Variants in PLD1 observed in about 807,000 individuals in gnomAD.
PLD1 encodes the protein phospholipase D1.
PLD1 carries 112 observed loss-of-function variants against 137.1 expected under a neutral mutation model. The observed-to-expected ratio is 0.82, with a 90% CI of 0.70 to 0.96. The LOEUF (loss-of-function observed/expected upper bound fraction) is 0.96, where lower values mean the gene tolerates loss of function less well. Among genes scored for constraint, PLD1 ranks in the 40% least tolerant of loss-of-function variants. The pLI is 0.00. For synonymous variants in PLD1, 431 were observed against 454.7 expected, an observed-to-expected ratio of 0.95 and a Z score of 0.66; for missense variants, 1,321 against 1,342.0, an observed-to-expected ratio of 0.98 and a Z score of 0.24.
intron 21 of PLD1, among the ~76,000 whole-genome samples, chr3:171,649,394 G>A (rs1736536105): frequency 6.6e-6 from 1 of 152,138 alleles, no homozygotes; most frequent in Non-Finnish European, 1.5e-5. Flanking sequence ...AAGGGCTCTG[G>A]AATTTCAAAC....
intron 1 of PLD1, among the ~76,000 whole-genome samples, chr3:171,767,546 TC>T (rs1722063065): frequency 6.6e-6 from 1 of 152,242 alleles, no homozygotes; most frequent in South Asian, 2.1e-4. Flanking sequence ...TGTATTTTTT[TC>T]TTATATTTTT....
chr3:171,770,471 C>T (rs1298570786), intron 1 of PLD1, among the ~76,000 whole-genome samples: 1 of 152,150 alleles, frequency 6.6e-6, no homozygotes, highest in Non-Finnish European at 1.5e-5. Flanking sequence ...GGGAGGACAA[C>T]CCCAACTGGG....
At chr3:171,651,862 C>T (rs1242740535) in intron 21 of PLD1, among the ~76,000 whole-genome samples, 1 of 152,130 alleles carries the variant, frequency 6.6e-6, no homozygotes, top group African/African-American at 2.4e-5. Flanking sequence ...CTCTCTTTTC[C>T]AGGGCACATG....
intron 19 of PLD1, among the ~76,000 whole-genome samples, chr3:171,668,533 CTTT>C (rs1013157598): frequency 2.0e-5 from 3 of 151,184 alleles, no homozygotes; most frequent in Non-Finnish European, 4.4e-5. Context: ...TGAAAATTTT[CTTT>C]TTTTTTCCTT....
chr3:171,666,823 A>C (rs1375412080), intron 19 of PLD1, among the ~76,000 whole-genome samples: 1 of 152,220 alleles, frequency 6.6e-6, no homozygotes, highest in Non-Finnish European at 1.5e-5. Context: ...AAAAAATGGC[A>C]TATTTCTGAT....
chr3:171,727,034 A>G (rs1718571466), intron 6 of PLD1, among the ~76,000 whole-genome samples: 1 of 152,262 alleles, frequency 6.6e-6, no homozygotes, highest in African/African-American at 2.4e-5. Flanking sequence ...CTGTGTTCCA[A>G]TAAAACCTTA....
At chr3:171,711,054 G>A (rs1320130928) in intron 9 of PLD1, among the ~76,000 whole-genome samples, 3 of 150,192 alleles carry the variant, frequency 2.0e-5, no homozygotes, top group African/African-American at 4.9e-5. Context: ...TGTATTTTTA[G>A]TAGAGACGGG....
intron 21 of PLD1, among the ~76,000 whole-genome samples, chr3:171,658,112 C>T (rs1253765355): frequency 6.6e-6 from 1 of 151,822 alleles, no homozygotes; most frequent in African/African-American, 2.4e-5. Flanking sequence ...AATGAAATAC[C>T]ATTTCTTAAA....
At position 171,606,903 on chromosome 3, in the gene PLD1, T is replaced by C. The variant is rs184660236; in HGVS notation, c.2883-1487A>G. ...GAAGAAATTTTAGAATTAGAATTCC[T>C]GGGTCAGAGAATATTCAAATTACTG... On this transcript the variant is annotated intron_variant, in intron 25 of 26. Coordinates refer to ENST00000351298, the MANE Select transcript of PLD1 (RefSeq NM_002662.5). Among the ~76,000 whole-genome samples, 266 of 152,328 alleles carry C rather than the reference T, an allele frequency of 1.7e-3. 6 individuals carry two copies. Among genetic ancestry groups the C allele is most frequent in the Admixed American group, 0.015 (234 of 15,294 alleles).
chr3:171,747,057 T>C (rs566962680), intron 1 of PLD1, among the ~76,000 whole-genome samples: 2 of 152,186 alleles, frequency 1.3e-5, no homozygotes, highest in South Asian at 4.2e-4. Context: ...GACGCGCCAC[T>C]TTAAGAGCTG....
chr3:171,614,025 G>A (rs536675880), intron 24 of PLD1, among the ~76,000 whole-genome samples: 1 of 152,320 alleles, frequency 6.6e-6, no homozygotes, highest in South Asian at 2.1e-4. Flanking sequence ...TAAGGTGACA[G>A]CAGCCCTACC....
At position 171,686,072 on chromosome 3, in the gene PLD1, C is replaced by T. The variant is rs1441002012; in HGVS notation, c.1867+613G>A. On this transcript the variant is annotated intron_variant, in intron 16 of 26. Coordinates refer to ENST00000351298, the MANE Select transcript of PLD1 (RefSeq NM_002662.5). ...CTGGGAGGCGGAGGGTGCAGTGAGCCAAGACGGCCCTACTGCACTGCAGCC... is the reference window on the plus strand; with the variant it reads ...CTGGGAGGCGGAGGGTGCAGTGAGCTAAGACGGCCCTACTGCACTGCAGCC... 2.1e-5 allele frequency among the ~76,000 whole-genome samples: 3 copies of T among 139,568 alleles called. No homozygotes were observed. In the Admixed American group the frequency reaches 2.3e-4, roughly 11 times the overall value. The allele number at this position is 139,568 out of a possible 152,430, so 91.6% of individuals were successfully genotyped here.
chr3:171,735,788 G>A (rs1381904969), intron 3 of PLD1, 151 bp from the exon 4 acceptor site: 3 of 593,878 alleles, frequency 5.1e-6, no homozygotes, highest in Non-Finnish European at 9.0e-6. Context: ...TGTTTCAAAA[G>A]CAGCCAATTG....
At chr3:171,607,558 G>A (rs1345215799) in intron 25 of PLD1, among the ~76,000 whole-genome samples, 1 of 152,074 alleles carries the variant, frequency 6.6e-6, no homozygotes, top group East Asian at 1.9e-4. Context: ...ATAATATGAA[G>A]TACTCTGGAT....
At chr3:171,652,281 C>T (rs927254203) in intron 21 of PLD1, among the ~76,000 whole-genome samples, 2 of 151,996 alleles carry the variant, frequency 1.3e-5, no homozygotes, top group African/African-American at 4.8e-5. Context: ...GGCGTGGTGG[C>T]AGGCACCTGT....
chr3:171,806,665 A>C (rs1465128918), intron 1 of PLD1, among the ~76,000 whole-genome samples: 1 of 152,240 alleles, frequency 6.6e-6, no homozygotes, highest in African/African-American at 2.4e-5. Flanking sequence ...ATCAATCTTT[A>C]GTAAACATCT....
intron 1 of PLD1, among the ~76,000 whole-genome samples, chr3:171,738,312 A>T (rs538687661): frequency 5.9e-5 from 9 of 152,180 alleles, no homozygotes; most frequent in Admixed American, 4.6e-4. Flanking sequence ...AGAAAAAAAA[A>T]AGAAAAAAAA....
chr3:171,741,213 C>T (rs1436837052), intron 1 of PLD1, among the ~76,000 whole-genome samples: 1 of 152,164 alleles, frequency 6.6e-6, no homozygotes, highest in Non-Finnish European at 1.5e-5. Flanking sequence ...CTTCAATGGA[C>T]CCAATGCATT....
At chr3:171,793,934 A>G (rs893335363) in intron 1 of PLD1, 2 of 152,210 alleles carry the variant, frequency 1.3e-5, no homozygotes, top group African/African-American at 4.8e-5. Flanking sequence ...ACCTGAGATC[A>G]TGAGTTTGAG....
Sources: allele counts gnomAD v4.1 joint callset (sites outside exome capture counted in the v4.1 genomes callset), GRCh38; gene constraint gnomAD v4.1.1; transcripts MANE v1.5; gene names NCBI Gene and HGNC (gene_info 2026-07-23, HGNC 2026-07-21).